Variants in FER observed in about 807,000 individuals in gnomAD.
The protein encoded by FER is tyrosine-protein kinase Fer.
FER carries 63 observed loss-of-function variants against 111.0 expected under a neutral mutation model. The ratio of observed to expected loss-of-function variants is 0.57; its 90% CI spans 0.46 to 0.70. FER has a LOEUF of 0.70. Among genes scored for constraint, FER ranks in the 30% least tolerant of loss-of-function variants. The probability of loss-of-function intolerance (pLI) is 0.00; values close to 1 mark genes in which losing one functional copy is unlikely to be tolerated. For synonymous variants in FER, 327 were observed against 313.9 expected (o/e 1.04, Z -0.44); for missense variants, 914 against 954.0 (o/e 0.96, Z 0.55).
At chr5:109,063,700 T>C (rs1440737266) in intron 16 of FER, among the ~76,000 whole-genome samples, 8 of 152,236 alleles carry the variant, frequency 5.3e-5, no homozygotes, top group African/African-American at 1.9e-4. Flanking sequence ...TGGCTGAATT[T>C]TTTAACGTTG....
At chr5:108,939,543 A>G (rs890602778) in intron 10 of FER, among the ~76,000 whole-genome samples, 2 of 151,998 alleles carry the variant, frequency 1.3e-5, no homozygotes, top group Non-Finnish European at 2.9e-5. Flanking sequence ...CTTCATTCTC[A>G]GGCAGGATGT....
intron 13 of FER, among the ~76,000 whole-genome samples, chr5:108,962,853 A>G (rs534659364): frequency 2.0e-5 from 3 of 152,204 alleles, no homozygotes; most frequent in Non-Finnish European, 4.4e-5. Context: ...ACTGGTTAAG[A>G]GGCAGATCTG....
rs185057774 is a variant in FER at position 109,039,619 on chromosome 5, G to C, written c.1713+2141G>C. Among the ~76,000 whole-genome samples the C allele has an allele frequency of 2.0e-5, 3 of 152,122 alleles. No homozygotes were observed. In the East Asian group the frequency reaches 5.8e-4, roughly 29 times the overall value. On this transcript the variant is annotated intron_variant, in intron 14 of 19. Transcript: ENST00000281092. ...AGACTTGAAGGAGGTGGGAAATATAGCCACATGGACATCTGAGGGAAGAGG... is the reference window on the plus strand; with the variant it reads ...AGACTTGAAGGAGGTGGGAAATATACCCACATGGACATCTGAGGGAAGAGG...
intron 17 of FER, among the ~76,000 whole-genome samples, chr5:109,122,117 T>C (rs1003837906): frequency 6.6e-6 from 1 of 152,096 alleles, no homozygotes. Flanking sequence ...CTTATTTTGG[T>C]TTAGTTTGTT....
intron 9 of FER, among the ~76,000 whole-genome samples, chr5:108,896,830 A>G (rs532502516): frequency 1.7e-4 from 26 of 152,326 alleles, no homozygotes; most frequent in African/African-American, 5.3e-4. Flanking sequence ...TGTCTAATTT[A>G]TAATCTATTG....
intron 13 of FER, among the ~76,000 whole-genome samples, chr5:108,973,194 C>T (rs749713094): frequency 8.4e-4 from 128 of 152,228 alleles, no homozygotes; most frequent in Admixed American, 2.2e-3. Flanking sequence ...CAAGAACAGA[C>T]ATACTTGTTT....
intron 17 of FER, among the ~76,000 whole-genome samples, chr5:109,179,326 G>A (rs560183778): frequency 1.3e-5 from 2 of 152,268 alleles, no homozygotes; most frequent in South Asian, 4.2e-4. Context: ...AGTGTGTAAT[G>A]TTAGGGATTT....
At chr5:108,827,793 G>A (rs895978272) in intron 3 of FER, among the ~76,000 whole-genome samples, 8 of 140,550 alleles carry the variant, frequency 5.7e-5, no homozygotes, top group African/African-American at 1.0e-4. Context: ...TCCCATTTTC[G>A]TATAATATTT....
intron 5 of FER, among the ~76,000 whole-genome samples, chr5:108,848,816 T>C (rs1193332775): frequency 6.6e-6 from 1 of 152,138 alleles, no homozygotes; most frequent in Admixed American, 6.5e-5. Flanking sequence ...ATTTTACTTT[T>C]GCCTGAATGG....
intron 9 of FER, among the ~76,000 whole-genome samples, chr5:108,891,129 T>A (rs1334606502): frequency 6.6e-6 from 1 of 152,132 alleles, no homozygotes; most frequent in Non-Finnish European, 1.5e-5. Context: ...ATGAATGATG[T>A]TCTGGAACAT....
intron 13 of FER, among the ~76,000 whole-genome samples, chr5:108,996,729 G>A (rs193072716): frequency 6.6e-6 from 1 of 152,118 alleles, no homozygotes; most frequent in Non-Finnish European, 1.5e-5. Context: ...TGCTAGGATT[G>A]TCTTGGCTGT....
At chr5:109,106,090 C>T (rs1748885360) in intron 17 of FER, among the ~76,000 whole-genome samples, 2 of 152,192 alleles carry the variant, frequency 1.3e-5, no homozygotes, top group Non-Finnish European at 2.9e-5. Flanking sequence ...ACTGAATCTA[C>T]TCTACTGCCT....
chr5:108,800,490 A>G (rs975711120), intron 3 of FER, among the ~76,000 whole-genome samples: 3 of 152,062 alleles, frequency 2.0e-5, no homozygotes, highest in Non-Finnish European at 2.9e-5. Flanking sequence ...AGCTGGGACT[A>G]TAGGCATGCG....
rs75142504 is a variant in FER at position 109,126,460 on chromosome 5, G to T, written c.2048+25941G>T. 7.7e-3 allele frequency among the ~76,000 whole-genome samples: 1,172 copies of T among 152,278 alleles called. 11 individuals are homozygous for T. Among genetic ancestry groups the T allele is most frequent in the African/African-American group, 0.027 (1,137 of 41,544 alleles). Reference sequence around the variant, plus strand: ...TGGAAGAAAAAGAATTTAGGATCTTGATTTCAGGGCTAGGCCCGTCTAAAT... The same window carrying T: ...TGGAAGAAAAAGAATTTAGGATCTTTATTTCAGGGCTAGGCCCGTCTAAAT... On this transcript the variant is annotated intron_variant, in intron 17 of 19. Coordinates refer to ENST00000281092, the MANE Select transcript of FER (RefSeq NM_005246.4).
At chr5:108,794,546 CT>C (rs1334913978) in intron 2 of FER, among the ~76,000 whole-genome samples, 1 of 142,722 alleles carries the variant, frequency 7.0e-6, no homozygotes, top group Non-Finnish European at 1.5e-5. Flanking sequence ...CTCCCCGCAC[CT>C]TAACATTTCT....
intron 16 of FER, among the ~76,000 whole-genome samples, chr5:109,074,142 T>G (rs1776061495): frequency 6.6e-6 from 1 of 152,198 alleles, no homozygotes; most frequent in South Asian, 2.1e-4. Flanking sequence ...AAACACTGTT[T>G]TAAGCACTTA....
intron 17 of FER, among the ~76,000 whole-genome samples, chr5:109,152,284 C>T (rs1754935853): frequency 6.6e-6 from 1 of 151,556 alleles, no homozygotes; most frequent in Non-Finnish European, 1.5e-5. Context: ...TTTTTAAATC[C>T]CAAATCTTTG....
intron 17 of FER, among the ~76,000 whole-genome samples, chr5:109,150,268 G>A (rs1245074969): frequency 6.6e-6 from 1 of 151,898 alleles, no homozygotes. Context: ...CTAAGTCATC[G>A]CTTCCTTCCT....
At chr5:108,849,454 T>TTTGTTG (rs77866064) in intron 5 of FER, among the ~76,000 whole-genome samples, 10,927 of 146,622 alleles carry the variant, frequency 0.075, 445 homozygotes, top group Non-Finnish European at 0.088. Context: ...TGGTGGTGGT[T>TTTGTTG]TTGTTGTTGT....
Sources: allele counts gnomAD v4.1 joint callset (sites outside exome capture counted in the v4.1 genomes callset), GRCh38; gene constraint gnomAD v4.1.1; transcripts MANE v1.5; gene names NCBI Gene and HGNC (gene_info 2026-07-23, HGNC 2026-07-21).